Variants in CFAP206 observed in about 807,000 individuals in gnomAD.
CFAP206 encodes the protein cilia- and flagella-associated protein 206.
In CFAP206, 53 loss-of-function variants were observed where a neutral mutation model predicts 65.4. The observed-to-expected ratio is 0.81, with a 90% confidence interval of 0.65 to 1.02. The LOEUF (loss-of-function observed/expected upper bound fraction) is 1.02. Ranked by LOEUF, CFAP206 falls within the 50% of genes least tolerant of loss-of-function variation. CFAP206 has a pLI of 0.00. For synonymous variants in CFAP206, 250 were observed against 254.4 expected, an observed-to-expected ratio of 0.98 and a Z score of 0.17; for missense variants, 663 against 753.2, an observed-to-expected ratio of 0.88 and a Z score of 1.40.
intron 11 of CFAP206, among the ~76,000 whole-genome samples, chr6:87,447,632 C>A (rs916357453): frequency 2.6e-5 from 4 of 152,032 alleles, no homozygotes; most frequent in Non-Finnish European, 5.9e-5. Context: ...TATTGGCCTG[C>A]AGTTGTTTTT....
intron 4 of CFAP206, among the ~76,000 whole-genome samples, chr6:87,415,188 T>G (rs902791003): frequency 6.6e-6 from 1 of 152,052 alleles, no homozygotes; most frequent in African/African-American, 2.4e-5. Flanking sequence ...GAAATTTATC[T>G]AGAACTGAAA....
intron 1 of CFAP206, 67 bp downstream of exon 1, chr6:87,408,156 C>G (rs1767658396): frequency 1.2e-6 from 1 of 857,510 alleles, no homozygotes. Context: ...GAGCTTGGGG[C>G]GGCTGGCGGA....
intron 11 of CFAP206, among the ~76,000 whole-genome samples, chr6:87,455,422 C>A (rs1440988406): frequency 6.6e-6 from 1 of 151,708 alleles, no homozygotes; most frequent in Admixed American, 6.6e-5. Flanking sequence ...AATAAAGAAC[C>A]CAAGCATGCA....
intron 8 of CFAP206, 99 bp from the exon 9 acceptor site, chr6:87,428,527 A>G (rs893549660): frequency 5.2e-6 from 6 of 1,157,390 alleles, no homozygotes; most frequent in Non-Finnish European, 6.4e-6. Flanking sequence ...GGGAGAATTA[A>G]CTTCTTTACA....
chr6:87,428,753 A>G lies in CFAP206; in HGVS notation c.1088A>G (p.Glu363Gly), dbSNP rs922830524. ...FLGAHELYFP[E>G]RVMQCHLNGA... ...GGTGCTCACGAACTATACTTTCCTGAGAGAGTGATGCAATGTCATCTTAAT... is the reference window on the plus strand; with the variant it reads ...GGTGCTCACGAACTATACTTTCCTGGGAGAGTGATGCAATGTCATCTTAAT... Residue 363 changes from glutamate (E) to glycine (G), a missense_variant, in exon 9 of 13, where the codon GAG becomes GGG. Coordinates refer to ENST00000369562, the MANE Select transcript of CFAP206 (RefSeq NM_001031743.3). 3 of 1,614,014 alleles carry G rather than the reference A, an allele frequency of 1.9e-6. No homozygotes were observed. Among genetic ancestry groups the G allele is most frequent in the Non-Finnish European group, 2.5e-6 (3 of 1,180,010 alleles).
Position 87,417,066 on chromosome 6 carries a change from A to G in CFAP206, c.631+239A>G, listed in dbSNP as rs568994632. On this transcript the variant is annotated intron_variant, in intron 6 of 12. Transcript: ENST00000369562. ...AGGAGAAAGTGAATCAGTGAAAGCAATGAAGGGTCCTGCTCAAAGCTAACC... is the reference window on the plus strand; with the variant it reads ...AGGAGAAAGTGAATCAGTGAAAGCAGTGAAGGGTCCTGCTCAAAGCTAACC... Among the ~76,000 whole-genome samples, 6 of 152,338 alleles carry G rather than the reference A, an allele frequency of 3.9e-5. No individual in the cohort carries two copies. In the South Asian group the frequency reaches 1.0e-3, roughly 26 times the overall value.
rs545407116 is a variant in CFAP206 at position 87,442,319 on chromosome 6, C to T, written c.1494+7266C>T. ...GATTAAAAACTCTTCCTGGCTTTTT[C>T]TTTCTTTCTTTTTTTGGTAAGTAAA... On this transcript the variant is annotated intron_variant, in intron 11 of 12. Coordinates refer to ENST00000369562, the MANE Select transcript of CFAP206 (RefSeq NM_001031743.3). Among the ~76,000 whole-genome samples the T allele has an allele frequency of 2.6e-4, 40 of 151,968 alleles. No homozygotes were observed. In the South Asian group the frequency reaches 7.9e-3, roughly 30 times the overall value.
chr6:87,416,336 C>G (rs1360110576), intron 5 of CFAP206, among the ~76,000 whole-genome samples: 1 of 152,210 alleles, frequency 6.6e-6, no homozygotes, highest in Non-Finnish European at 1.5e-5. Context: ...ATGTCTAGCT[C>G]TCCTATGGCT....
At position 87,462,760 on chromosome 6, in the gene CFAP206, C is replaced by T. The variant is rs75233888; in HGVS notation, c.1639-1260C>T. On this transcript the variant is annotated intron_variant, in intron 12 of 12. Coordinates refer to ENST00000369562, the MANE Select transcript of CFAP206 (RefSeq NM_001031743.3). The stretch of plus-strand genomic sequence containing the variant: ...GGGTCTGAACTTCATACTGACTGAG[C>T]CCTCTCTTCCCATTCCTCAATCTCC... 6.4e-3 allele frequency among the ~76,000 whole-genome samples: 967 copies of T among 152,148 alleles called. 2 individuals are homozygous for T. Among genetic ancestry groups the T allele is most frequent in the African/African-American group, 0.022 (924 of 41,496 alleles).
intron 11 of CFAP206, among the ~76,000 whole-genome samples, chr6:87,438,899 T>C (rs2127953717): frequency 6.6e-6 from 1 of 152,340 alleles, no homozygotes; most frequent in African/African-American, 2.4e-5. Context: ...ACCTCTATTG[T>C]ATTAACAACT....
rs1351407529 is a variant in CFAP206, at chr6:87,428,821, A to G, written c.1156A>G (p.Met386Val). The G allele has an allele frequency of 4.3e-6, 7 of 1,612,826 alleles. No individual in the cohort carries two copies. The highest frequency in any genetic ancestry group is 1.1e-5 in the South Asian group (1 of 91,042). The change falls in exon 9 of 13, where the codon ATG becomes GTG. Residue 386 changes from methionine (M) to valine (V), a missense_variant. Met to Val is a conservative substitution (Grantham distance 21). Coordinates refer to ENST00000369562, the MANE Select transcript of CFAP206 (RefSeq NM_001031743.3). ...KTDVCRMKEH[M>V]EDRVNVADFR... The stretch of plus-strand genomic sequence containing the variant: ...TGATGTGTGTAGAATGAAAGAACAC[A>G]TGGGTAATGAAAATCATCCATTATT...
chr6:87,457,460 A>G (rs532207871), intron 11 of CFAP206, among the ~76,000 whole-genome samples: 2 of 152,328 alleles, frequency 1.3e-5, no homozygotes, highest in African/African-American at 4.8e-5. Flanking sequence ...TACTGGCATA[A>G]AAACAAGACA....
At chr6:87,410,901 C>T (rs1767723988) in intron 3 of CFAP206, among the ~76,000 whole-genome samples, 1 of 152,166 alleles carries the variant, frequency 6.6e-6, no homozygotes, top group South Asian at 2.1e-4. Context: ...AAGATAGCTA[C>T]CCTGCCTCTA....
intron 10 of CFAP206, among the ~76,000 whole-genome samples, chr6:87,432,561 A>G (rs1768178331): frequency 6.6e-6 from 1 of 151,614 alleles, no homozygotes; most frequent in Non-Finnish European, 1.5e-5. Context: ...GGAAGCAATG[A>G]TATGGTTGGA....
intron 7 of CFAP206, among the ~76,000 whole-genome samples, chr6:87,422,998 CCT>C (rs1767972411): frequency 2.6e-5 from 4 of 151,772 alleles, no homozygotes; most frequent in Middle Eastern, 3.2e-3. Flanking sequence ...TCTCGGTTTA[CCT>C]CTGTCTCCAG....
chr6:87,458,631 T>A (rs186393427), intron 11 of CFAP206, among the ~76,000 whole-genome samples: 93 of 152,024 alleles, frequency 6.1e-4, no homozygotes, highest in African/African-American at 2.2e-3. Context: ...GAAATGGAGA[T>A]AGCAGAATGA....
At position 87,428,763 on chromosome 6, in the gene CFAP206, G is replaced by A. The variant is rs1364975022; in HGVS notation, c.1098G>A (p.Met366Ile). 6.2e-7 allele frequency: 1 copy of A among 1,614,148 alleles called. No individual in the cohort carries two copies. The highest frequency in any genetic ancestry group is 1.1e-5 in the South Asian group (1 of 91,080). The change falls in exon 9 of 13, where the codon ATG becomes ATA. Residue 366 changes from methionine to isoleucine, a missense_variant. Physicochemically the swap from Met to Ile is conservative, Grantham distance 10 (BLOSUM62 1). Transcript: ENST00000369562. Reference sequence around the variant, plus strand: ...AACTATACTTTCCTGAGAGAGTGATGCAATGTCATCTTAATGGAGCGACTG... The same window carrying A: ...AACTATACTTTCCTGAGAGAGTGATACAATGTCATCTTAATGGAGCGACTG... ...AHELYFPERV[M>I]QCHLNGATVK...
chr6:87,419,086 G>A (rs936005330), intron 7 of CFAP206, among the ~76,000 whole-genome samples: 13 of 119,214 alleles, frequency 1.1e-4, no homozygotes, highest in Non-Finnish European at 1.9e-4. Flanking sequence ...CACTCTGACA[G>A]AGGGAGACCC....
chr6:87,430,866 TG>T (rs756757391), intron 9 of CFAP206, among the ~76,000 whole-genome samples, 166 bp from the exon 10 acceptor site: 2 of 152,212 alleles, frequency 1.3e-5, no homozygotes, highest in Non-Finnish European at 2.9e-5. Context: ...CTTCTTTGCT[TG>T]AATAGACTTC....
Sources: gnomAD v4.1 joint callset for allele counts (sites outside exome capture counted in the v4.1 genomes callset) on GRCh38, gnomAD v4.1.1 for gene constraint, MANE v1.5 for transcripts, NCBI Gene and HGNC (gene_info 2026-07-23, HGNC 2026-07-21) for gene names.